The following AJAP1 variants were observed in gnomAD, a reference collection of about 807,000 sequenced individuals.
The protein encoded by AJAP1 is adherens junctions associated protein 1, also known as adherens junction-associated protein 1.
A neutral mutation model predicts 35.0 loss-of-function variants in AJAP1; 5 were observed. The observed-to-expected ratio is 0.14, with a 90% CI of 0.07 to 0.30. The LOEUF (loss-of-function observed/expected upper bound fraction) is 0.30, where lower values mean the gene tolerates loss of function less well. AJAP1 is among the 10% of genes least tolerant of loss of function. The pLI is 1.00. For missense variants in AJAP1, 586 were observed against 571.0 expected (o/e 1.03, Z -0.27); for synonymous variants, 284 against 249.3 (o/e 1.14, Z -1.31).
Position 4,692,062 on chromosome 1 carries a change from C to G in AJAP1, c.30-19838C>G, listed in dbSNP as rs1055016862. Among the ~76,000 whole-genome samples, 1 of 152,284 alleles carries G rather than the reference C, an allele frequency of 6.6e-6. No individual in the cohort carries two copies. The highest frequency in any genetic ancestry group is 3.4e-3 in the Middle Eastern group (1 of 294). The stretch of plus-strand genomic sequence containing the variant: ...CCTGAGACTGGCCGAGGCCCTCAGC[C>G]CTGTGCTCCTTCCGGGAATGGCAGG... On this transcript the variant is annotated intron_variant, in intron 1 of 5. Coordinates refer to ENST00000378191, the MANE Select transcript of AJAP1 (RefSeq NM_018836.4). This position sits in a 1 kb window ranked among gnomAD's most constrained non-coding sequence, Gnocchi z 4.4.
chr1:4,789,802 G>GTTTTA lies in AJAP1; in HGVS notation c.*7321_*7322insATTTT, dbSNP rs1449197545. Reference sequence around the variant, plus strand: ...TAAGCTCTGTTTTTTGTTTTGTTTTGTTTTGTTTTGTTTTCGGCACCATTA... The same window carrying GTTTTA: ...TAAGCTCTGTTTTTTGTTTTGTTTTGTTTTATTTTGTTTTGTTTTCGGCACCATTA... On this transcript the variant is annotated 3_prime_UTR_variant, in exon 6 of 6. Transcript: ENST00000378191. This position sits in a 1 kb window ranked among gnomAD's most constrained non-coding sequence, Gnocchi z 4.4. 1 of 152,386 alleles carries GTTTTA rather than the reference G, an allele frequency of 6.6e-6. No individual in the cohort carries two copies. Among genetic ancestry groups the GTTTTA allele is most frequent in the African/African-American group, 2.4e-5 (1 of 41,436 alleles). 9.4% of individuals were successfully genotyped at this position (152,386 alleles called of 1,614,324 possible). A position where few individuals can be genotyped will look rare whatever the true frequency, so the allele number is the denominator to read the frequency against.
In AJAP1 at chr1:4,752,001, A is replaced by T. The variant is rs1413554796; in HGVS notation, c.830-17852A>T. 2.0e-5 allele frequency among the ~76,000 whole-genome samples: 3 copies of T among 152,118 alleles called. No individual in the cohort carries two copies. The East Asian group carries it at 5.8e-4, about 29-fold the overall frequency. On this transcript the variant is annotated intron_variant, in intron 2 of 5. Transcript: ENST00000378191. ...TGCCAGGCACCTGGCATCTGGCTGG[A>T]TGGTAATAGTGGTGCCCACAGGAGT...
rs1487128691 is a variant in AJAP1, at chr1:4,774,457, T to A, written c.1194T>A (p.Pro398=). 5.0e-6 allele frequency: 8 copies of A among 1,614,252 alleles called. No homozygotes were observed. The highest frequency in any genetic ancestry group is 5.1e-6 in the Non-Finnish European group (6 of 1,180,040). The change falls in exon 5 of 6, where the codon CCT becomes CCA. Residue 398 remains proline (P), a synonymous_variant. Transcript: ENST00000378191. ...CCTCTTCTGATCGGCATCTTATTCC[T>A]GTGGCCTTCGTGTCTGAGAAATGGT... The part of the protein sequence containing the change: ...RPSSSDRHLI[P]VAFVSEKWFE...
chr1:4,767,410 A>ACCAAC lies in AJAP1; in HGVS notation c.830-2442_830-2438dup, dbSNP rs555586323. On this transcript the variant is annotated intron_variant, in intron 2 of 5. Coordinates refer to ENST00000378191, the MANE Select transcript of AJAP1 (RefSeq NM_018836.4). ...CACCACCATCATCATCGTTACCACC[A>ACCAAC]CCAACATCATCGTTACCATCACTAT... is the stretch of plus-strand genomic sequence containing the variant. Among the ~76,000 whole-genome samples the ACCAAC allele has an allele frequency of 1.2e-3, 185 of 152,106 alleles. 1 individual carries two copies. The highest frequency in any genetic ancestry group is 2.3e-3 in the Non-Finnish European group (155 of 68,008).
chr1:4,760,989 A>G (rs3766974), intron 2 of AJAP1, among the ~76,000 whole-genome samples: 2,551 of 152,302 alleles, frequency 0.017, 65 homozygotes, highest in South Asian at 0.12. Context: ...GTGCATTGAG[A>G]TCATGGCCCC....
intron 1 of AJAP1, among the ~76,000 whole-genome samples, chr1:4,657,427 G>C (rs1018336020): frequency 1.3e-5 from 2 of 152,170 alleles, no homozygotes; most frequent in African/African-American, 4.8e-5. Flanking sequence ...GGCCAGAGAA[G>C]GAGGCCTGTA....
chr1:4,781,672 A>T (rs1310851415), intron 5 of AJAP1, among the ~76,000 whole-genome samples: 3 of 152,198 alleles, frequency 2.0e-5, no homozygotes, highest in African/African-American at 7.2e-5. Flanking sequence ...GCTCTGAGTG[A>T]CAGCAGAGGG....
At chr1:4,676,040 G>A (rs563267814) in intron 1 of AJAP1, among the ~76,000 whole-genome samples, 15 of 152,160 alleles carry the variant, frequency 9.9e-5, no homozygotes, top group Non-Finnish European at 1.5e-4. Flanking sequence ...GTGCAGGGAC[G>A]GCCTCTCTCT....
intron 4 of AJAP1, 105 bp from the exon 5 acceptor site, chr1:4,774,322 C>T (rs942628216): frequency 7.7e-6 from 8 of 1,044,008 alleles, no homozygotes; most frequent in African/African-American, 3.2e-5. Flanking sequence ...ATTAGTGCTT[C>T]CTTTCTCAAG....
At chr1:4,760,947 G>T (rs1641550731) in intron 2 of AJAP1, among the ~76,000 whole-genome samples, 1 of 152,172 alleles carries the variant, frequency 6.6e-6, no homozygotes, top group Non-Finnish European at 1.5e-5. Flanking sequence ...ACATATTTGA[G>T]ATTTACAGGT....
intron 2 of AJAP1, among the ~76,000 whole-genome samples, chr1:4,756,084 A>G (rs990098379): frequency 6.6e-6 from 1 of 152,164 alleles, no homozygotes; most frequent in Non-Finnish European, 1.5e-5. Context: ...CAAGCCTAGG[A>G]GAAGGTGCAG....
intron 1 of AJAP1, among the ~76,000 whole-genome samples, chr1:4,676,221 T>A (rs935520718): frequency 2.6e-5 from 4 of 152,240 alleles, no homozygotes; most frequent in African/African-American, 9.6e-5. Flanking sequence ...GTCACGCTCC[T>A]CCGATTTCCT....
At chr1:4,716,734 AGAT>A (rs145717010) in intron 2 of AJAP1, among the ~76,000 whole-genome samples, 3,352 of 151,706 alleles carry the variant, frequency 0.022, 52 homozygotes, top group Middle Eastern at 0.041. Context: ...GTGATGATGG[AGAT>A]GATGATGATA....
chr1:4,740,395 A>AGTGGGGGAGGGGGAGGGGGAGTGAGG (rs1553159527), intron 2 of AJAP1, among the ~76,000 whole-genome samples: 1 of 135,428 alleles, frequency 7.4e-6, no homozygotes. Flanking sequence ...ATGGGGACAG[A>AGTGGGGGAGGGGGAGGGGGAGTGAGG]GTTTCAGTTT....
At chr1:4,706,691 C>G (rs1172231941) in intron 1 of AJAP1, among the ~76,000 whole-genome samples, 2 of 152,218 alleles carry the variant, frequency 1.3e-5, no homozygotes, top group Non-Finnish European at 2.9e-5. Context: ...CCGCACACTC[C>G]CGGCTCGGGG....
In AJAP1 at chr1:4,772,373, G is replaced by T. The variant is rs532761720; in HGVS notation, c.1011G>T (p.Ser337=). The T allele has an allele frequency of 6.2e-7, 1 of 1,614,206 alleles. No homozygotes were observed. Among genetic ancestry groups the T allele is most frequent in the East Asian group, 2.2e-5 (1 of 44,882 alleles). Reference sequence around the variant, plus strand: ...GCCAGAACCTCACGGACTTCCCCTCGGCCCGGGTGCCCAGCAGCCTGGACA... The same window carrying T: ...GCCAGAACCTCACGGACTTCCCCTCTGCCCGGGTGCCCAGCAGCCTGGACA... ...ESCQNLTDFP[S]ARVPSSLDIF... The change falls in exon 4 of 6, where the codon TCG becomes TCT. Residue 337 remains serine, a synonymous_variant. Transcript: ENST00000378191.
chr1:4,772,671 T>A, intron 4 of AJAP1, 146 bp downstream of exon 4: 2 of 1,222,782 alleles, frequency 1.6e-6, no homozygotes, highest in Non-Finnish European at 2.2e-6. Context: ...GGCGGACAGC[T>A]AATTTGGCAA....
intron 2 of AJAP1, among the ~76,000 whole-genome samples, chr1:4,756,313 C>T (rs1021374503): frequency 3.9e-5 from 6 of 152,180 alleles, no homozygotes; most frequent in Non-Finnish European, 5.9e-5. Context: ...TGACTATGTC[C>T]GCACCGTGGC....
intron 2 of AJAP1, among the ~76,000 whole-genome samples, chr1:4,758,523 G>A (rs1557642596): frequency 2.0e-5 from 3 of 152,136 alleles, no homozygotes; most frequent in Admixed American, 6.5e-5. Context: ...CGGGGAAAGA[G>A]CCCCTTATAA....
Sources: allele counts gnomAD v4.1 joint callset (sites outside exome capture counted in the v4.1 genomes callset), GRCh38; gene constraint gnomAD v4.1.1; non-coding constraint Gnocchi (gnomAD v3.1); transcripts MANE v1.5; gene names NCBI Gene and HGNC (gene_info 2026-07-23, HGNC 2026-07-21).